Variants in SCG5 observed in about 807,000 individuals in gnomAD.
The protein encoded by SCG5 is neuroendocrine protein 7B2.
A neutral mutation model predicts 25.7 loss-of-function variants in SCG5; 18 were observed. That is an observed-to-expected ratio of 0.70 (90% CI 0.48 to 1.04). SCG5 has a LOEUF of 1.04. Among genes scored for constraint, SCG5 ranks in the 50% least tolerant of loss-of-function variants. The pLI, the probability that SCG5 is intolerant of heterozygous loss-of-function variation, is 0.00. For synonymous variants in SCG5, 101 were observed against 91.7 expected (o/e 1.10, Z -0.58); for missense variants, 206 against 259.8 (o/e 0.79, Z 1.42).
In SCG5 at chr15:32,696,921, T is replaced by A. The variant is rs74013863; in HGVS notation, c.*312T>A. 4,752 of 233,828 alleles carry A rather than the reference T, an allele frequency of 0.02. 213 individuals are homozygous for A. The highest frequency in any genetic ancestry group is 0.099 in the African/African-American group (4,414 of 44,454). 14.5% of individuals were successfully genotyped at this position (233,828 alleles called of 1,614,324 possible). A position where few individuals can be genotyped will look rare whatever the true frequency, so the allele number is the denominator to read the frequency against. On this transcript the variant is annotated 3_prime_UTR_variant, in exon 6 of 6. Coordinates refer to ENST00000300175, the MANE Select transcript of SCG5 (RefSeq NM_001144757.3). ...TCAGATTTCTTGCAGTTTAAAATGG[T>A]GTCTGAGGTTGTACTATTTTGGCCA...
At chr15:32,678,752 G>A (rs1462632594) in intron 2 of SCG5, among the ~76,000 whole-genome samples, 3 of 152,042 alleles carry the variant, frequency 2.0e-5, no homozygotes, top group Non-Finnish European at 2.9e-5. Flanking sequence ...AAATGAATTG[G>A]GAAACACTAA....
intron 2 of SCG5, among the ~76,000 whole-genome samples, chr15:32,658,903 G>A (rs1247623360): frequency 2.0e-5 from 3 of 152,174 alleles, no homozygotes; most frequent in East Asian, 1.9e-4. Context: ...AGGGCCGGGC[G>A]TGGTGGCTTA....
intron 3 of SCG5, among the ~76,000 whole-genome samples, chr15:32,682,727 T>C (rs564393131): frequency 1.3e-5 from 2 of 152,356 alleles, no homozygotes; most frequent in Non-Finnish European, 2.9e-5. Flanking sequence ...TTAGCCATTA[T>C]TTGTGAGGAA....
intron 2 of SCG5, among the ~76,000 whole-genome samples, chr15:32,678,806 A>G (rs112716477): frequency 1.3e-5 from 2 of 152,382 alleles, no homozygotes; most frequent in African/African-American, 4.8e-5. Flanking sequence ...TAGTACAGCC[A>G]TTGGACTAAA....
chr15:32,667,977 T>G lies in SCG5; in HGVS notation c.227-11789T>G, dbSNP rs185008332. Among the ~76,000 whole-genome samples the G allele has an allele frequency of 1.3e-3, 197 of 152,354 alleles. 1 individual carries two copies. Among genetic ancestry groups the G allele is most frequent in the Non-Finnish European group, 1.3e-3 (91 of 68,034 alleles). ...GGCATGAGCCACCGGACCCACTTTA[T>G]TCTTAATACCTATTGCCAGGCAGAG... is the stretch of plus-strand genomic sequence containing the variant. On this transcript the variant is annotated intron_variant, in intron 2 of 5. Coordinates refer to ENST00000300175, the MANE Select transcript of SCG5 (RefSeq NM_001144757.3).
chr15:32,693,505 C>T (rs2054900667), intron 5 of SCG5, among the ~76,000 whole-genome samples: 1 of 152,210 alleles, frequency 6.6e-6, no homozygotes, highest in Non-Finnish European at 1.5e-5. Context: ...CACGTTGGCC[C>T]TGCCCATCAT....
intron 2 of SCG5, among the ~76,000 whole-genome samples, chr15:32,657,723 C>A (rs2054148435): frequency 6.6e-6 from 1 of 152,120 alleles, no homozygotes; most frequent in Non-Finnish European, 1.5e-5. Flanking sequence ...TTCCTTGAAC[C>A]AAATAGCCTA....
At chr15:32,656,835 A>G (rs2054125798) in intron 2 of SCG5, among the ~76,000 whole-genome samples, 2 of 152,122 alleles carry the variant, frequency 1.3e-5, no homozygotes, top group Non-Finnish European at 2.9e-5. Context: ...TCGCACCGCA[A>G]ATATAACTGA....
intron 2 of SCG5, among the ~76,000 whole-genome samples, chr15:32,660,148 T>C (rs1415310830): frequency 6.6e-6 from 1 of 152,224 alleles, no homozygotes; most frequent in Non-Finnish European, 1.5e-5. Context: ...TAGGTCTGTA[T>C]AGAGCACACT....
intron 5 of SCG5, 72 bp from the exon 6 acceptor site, chr15:32,696,442 T>C: frequency 9.0e-7 from 1 of 1,106,772 alleles, no homozygotes; most frequent in Admixed American, 2.0e-5. Context: ...GTTCATTTCT[T>C]TTCTGAGATG....
At chr15:32,677,998 G>A (rs985442869) in intron 2 of SCG5, among the ~76,000 whole-genome samples, 2 of 152,134 alleles carry the variant, frequency 1.3e-5, no homozygotes, top group Non-Finnish European at 2.9e-5. Flanking sequence ...GAAACAAGTA[G>A]GAAAGGACAG....
At chr15:32,650,172 CT>C (rs1459947861) in intron 2 of SCG5, among the ~76,000 whole-genome samples, 1 of 152,196 alleles carries the variant, frequency 6.6e-6, no homozygotes, top group African/African-American at 2.4e-5. Flanking sequence ...TCTCAGCTCA[CT>C]GCAAGCTCTG....
intron 2 of SCG5, among the ~76,000 whole-genome samples, chr15:32,651,074 C>T (rs907924225): frequency 1.3e-5 from 2 of 152,134 alleles, no homozygotes; most frequent in Non-Finnish European, 2.9e-5. Flanking sequence ...TGGCACGTGC[C>T]TGTAATCCCA....
intron 4 of SCG5, among the ~76,000 whole-genome samples, chr15:32,691,436 T>C (rs754233952): frequency 6.6e-6 from 1 of 152,224 alleles, no homozygotes; most frequent in East Asian, 1.9e-4. Context: ...GCACCCTTCA[T>C]GTTTTAAAAT....
chr15:32,686,593 AAAGAG>A (rs1333928938), intron 4 of SCG5, among the ~76,000 whole-genome samples: 1 of 152,184 alleles, frequency 6.6e-6, no homozygotes, highest in Non-Finnish European at 1.5e-5. Context: ...AGGACATAAA[AAAGAG>A]AAGAGAGAGT....
rs919056360 is a variant in SCG5 at position 32,684,687 on chromosome 15, T to C, written c.489+18T>C. ...GCAAGTGGGTAAGTCCTATCTCAAT[T>C]GTTAGTAGATTTTGCACTTTGGTAC... On this transcript the variant is annotated intron_variant, in intron 4 of 5. Coordinates refer to ENST00000300175, the MANE Select transcript of SCG5 (RefSeq NM_001144757.3). The C allele has an allele frequency of 6.4e-7, 1 of 1,561,932 alleles. No individual in the cohort carries two copies. Among genetic ancestry groups the C allele is most frequent in the African/African-American group, 1.4e-5 (1 of 73,766 alleles).
intron 4 of SCG5, among the ~76,000 whole-genome samples, chr15:32,685,789 A>G (rs2054698351): frequency 6.6e-6 from 1 of 152,224 alleles, no homozygotes; most frequent in African/African-American, 2.4e-5. Flanking sequence ...TTCACATGTA[A>G]CAGTAGGTGG....
chr15:32,648,783 T>TTA (rs1231366692), intron 2 of SCG5, among the ~76,000 whole-genome samples: 9 of 131,332 alleles, frequency 6.9e-5, no homozygotes, highest in African/African-American at 1.3e-4. Context: ...TTTTTTTTTT[T>TTA]AAAAAAAAAA....
chr15:32,661,628 A>C (rs1021544639), intron 2 of SCG5, among the ~76,000 whole-genome samples: 1 of 152,156 alleles, frequency 6.6e-6, no homozygotes, highest in Admixed American at 6.5e-5. Context: ...CAACAAAAAA[A>C]AAGAGAAGAA....
Sources: gnomAD v4.1 joint callset for allele counts (sites outside exome capture counted in the v4.1 genomes callset) on GRCh38, gnomAD v4.1.1 for gene constraint, MANE v1.5 for transcripts, NCBI Gene and HGNC (gene_info 2026-07-23, HGNC 2026-07-21) for gene names.